CNTNAP5: variants seen among roughly 807,000 people sequenced by gnomAD.
CNTNAP5 encodes the protein contactin associated protein family member 5, also known as contactin-associated protein-like 5.
A neutral mutation model predicts 150.2 loss-of-function variants in CNTNAP5; 72 were observed. That is an observed-to-expected ratio of 0.48 (90% CI 0.40 to 0.58). The LOEUF (loss-of-function observed/expected upper bound fraction) is 0.58. Among genes scored for constraint, CNTNAP5 ranks in the 20% least tolerant of loss-of-function variants. The probability of loss-of-function intolerance (pLI) is 0.00; values close to 1 mark genes in which losing one functional copy is unlikely to be tolerated. For synonymous variants in CNTNAP5, 672 were observed against 619.8 expected, an observed-to-expected ratio of 1.08 and a Z score of -1.25; for missense variants, 1,636 against 1,626.2, an observed-to-expected ratio of 1.01 and a Z score of -0.10.
At chr2:124,293,063 G>T (rs1024798353) in intron 3 of CNTNAP5, among the ~76,000 whole-genome samples, 2 of 151,968 alleles carry the variant, frequency 1.3e-5, no homozygotes, top group African/African-American at 4.8e-5. Context: ...TTTTATTGGT[G>T]AAAATTGTTT....
intron 3 of CNTNAP5, among the ~76,000 whole-genome samples, chr2:124,411,265 C>A (rs1330599184): frequency 6.6e-6 from 1 of 152,104 alleles, no homozygotes. Context: ...GAGTCCAGGA[C>A]CAGATGGATT....
At chr2:124,092,941 C>T (rs1682849198) in intron 1 of CNTNAP5, among the ~76,000 whole-genome samples, 1 of 152,188 alleles carries the variant, frequency 6.6e-6, no homozygotes, top group South Asian at 2.1e-4. Context: ...TGAACTTTGC[C>T]TCTGGCTTCC....
Position 124,077,673 on chromosome 2 carries a change from T to G in CNTNAP5, c.82+51941T>G, listed in dbSNP as rs538655341. On this transcript the variant is annotated intron_variant, in intron 1 of 23. Transcript: ENST00000682447. ...ATTTAGTTTTCTCTCAATGCCATCA[T>G]GCCTGTGTTTAGGCTGGTCCTCCTG... is the stretch of plus-strand genomic sequence containing the variant. Among the ~76,000 whole-genome samples, 4 of 152,370 alleles carry G rather than the reference T, an allele frequency of 2.6e-5. No individual in the cohort carries two copies. The East Asian group carries it at 7.7e-4, about 29-fold the overall frequency.
intron 1 of CNTNAP5, among the ~76,000 whole-genome samples, chr2:124,100,864 C>CA (rs60441145): frequency 0.012 from 1,031 of 87,698 alleles, 18 homozygotes; most frequent in African/African-American, 0.024. Flanking sequence ...GACTCTGTCT[C>CA]AAAAAAAAAA....
At chr2:124,121,284 C>T (rs1236320666) in intron 1 of CNTNAP5, among the ~76,000 whole-genome samples, 1 of 152,190 alleles carries the variant, frequency 6.6e-6, no homozygotes, top group African/African-American at 2.4e-5. Context: ...TAGGTACAGA[C>T]TGACCCTTTA....
chr2:124,446,475 G>A (rs988927153), intron 5 of CNTNAP5, among the ~76,000 whole-genome samples: 2 of 152,066 alleles, frequency 1.3e-5, no homozygotes, highest in Non-Finnish European at 2.9e-5. Flanking sequence ...TCATATTTAT[G>A]TAGCCATAAG....
intron 8 of CNTNAP5, among the ~76,000 whole-genome samples, chr2:124,520,235 C>T (rs555828051): frequency 1.1e-4 from 16 of 152,250 alleles, no homozygotes; most frequent in South Asian, 2.1e-4. Context: ...TAGGAATAAA[C>T]CATATTTGCT....
At chr2:124,640,697 T>C (rs1028087287) in intron 12 of CNTNAP5, among the ~76,000 whole-genome samples, 11 of 152,162 alleles carry the variant, frequency 7.2e-5, no homozygotes, top group African/African-American at 2.7e-4. Flanking sequence ...AGGTGCAATG[T>C]ACCCCCTCAG....
intron 10 of CNTNAP5, among the ~76,000 whole-genome samples, chr2:124,553,526 A>C (rs1478032016): frequency 6.6e-6 from 1 of 151,114 alleles, no homozygotes; most frequent in East Asian, 1.9e-4. Flanking sequence ...AAAAAGTTAG[A>C]ATGCATAAGG....
intron 1 of CNTNAP5, among the ~76,000 whole-genome samples, chr2:124,067,398 T>C (rs1682187370): frequency 6.6e-6 from 1 of 152,170 alleles, no homozygotes; most frequent in Non-Finnish European, 1.5e-5. Flanking sequence ...CATTCCTTGA[T>C]CTGTGGCTGC....
Position 124,789,948 on chromosome 2 carries a change from C to T in CNTNAP5, c.2799C>T (p.Ser933=). ...RQKGFLGCIR[S]LHLNGQKMDL... ...AAGGCTTCCTAGGATGCATTCGCTC[C>T]TTACACTTGAATGGACAGAAAATGG... The change falls in exon 18 of 24, where the codon TCC becomes TCT. Residue 933 remains serine, a synonymous_variant. Transcript: ENST00000682447. 6.2e-7 allele frequency: 1 copy of T among 1,613,906 alleles called. No individual in the cohort carries two copies.
intron 14 of CNTNAP5, among the ~76,000 whole-genome samples, chr2:124,761,941 G>A (rs1680963743): frequency 6.6e-6 from 1 of 152,062 alleles, no homozygotes. Context: ...CGTTGGCATT[G>A]ATGGGCAGAC....
intron 6 of CNTNAP5, among the ~76,000 whole-genome samples, chr2:124,461,421 G>A (rs112386913): frequency 0.26 from 38,379 of 149,622 alleles, 5,060 homozygotes; most frequent in African/African-American, 0.31. Context: ...GTAAACTATC[G>A]CAAGAACAAA....
chr2:124,858,320 C>T (rs1677429048), intron 19 of CNTNAP5, among the ~76,000 whole-genome samples: 1 of 152,160 alleles, frequency 6.6e-6, no homozygotes, highest in African/African-American at 2.4e-5. Flanking sequence ...CATCTCAGCC[C>T]AAAATCTCCT....
At chr2:124,448,630 C>G (rs1013107997) in intron 6 of CNTNAP5, among the ~76,000 whole-genome samples, 1 of 152,132 alleles carries the variant, frequency 6.6e-6, no homozygotes, top group South Asian at 2.1e-4. Context: ...AACTACCTGG[C>G]TTGTCTGGCT....
intron 1 of CNTNAP5, among the ~76,000 whole-genome samples, chr2:124,199,033 G>A (rs1037126205): frequency 6.6e-6 from 1 of 151,954 alleles, no homozygotes; most frequent in Non-Finnish European, 1.5e-5. Flanking sequence ...ATATTCACAC[G>A]GCAATTACTA....
intron 21 of CNTNAP5, among the ~76,000 whole-genome samples, chr2:124,897,448 G>A (rs908164207): frequency 1.3e-5 from 2 of 151,442 alleles, no homozygotes; most frequent in African/African-American, 2.4e-5. Context: ...TGTCTAGGTG[G>A]CCAATAATTA....
chr2:124,094,834 C>A (rs1042788566), intron 1 of CNTNAP5, among the ~76,000 whole-genome samples: 3 of 152,080 alleles, frequency 2.0e-5, no homozygotes, highest in African/African-American at 7.2e-5. Flanking sequence ...TGGTGCTGCT[C>A]ACTGATAAGA....
chr2:124,843,467 C>T (rs1682985394), intron 19 of CNTNAP5, among the ~76,000 whole-genome samples: 1 of 152,120 alleles, frequency 6.6e-6, no homozygotes, highest in African/African-American at 2.4e-5. Context: ...AATTTTGCTG[C>T]TATAAACATG....
Sources: allele counts gnomAD v4.1 joint callset (sites outside exome capture counted in the v4.1 genomes callset), GRCh38; gene constraint gnomAD v4.1.1; transcripts MANE v1.5; gene names NCBI Gene and HGNC (gene_info 2026-07-23, HGNC 2026-07-21).